DSCAM: variants seen among roughly 807,000 people sequenced by gnomAD.
DSCAM encodes cell adhesion molecule DSCAM.
Under a neutral mutation model 217.7 loss-of-function variants are expected in DSCAM, and 47 were observed. The observed-to-expected ratio is 0.22, with a 90% CI of 0.17 to 0.28. The LOEUF (loss-of-function observed/expected upper bound fraction) is 0.28. DSCAM is among the 10% of genes least tolerant of loss of function. The pLI is 1.00. For synonymous variants in DSCAM, 1,056 were observed against 1,015.3 expected (o/e 1.04, Z -0.76); for missense variants, 2,080 against 2,618.3 (o/e 0.79, Z 4.49).
At chr21:40,769,580 T>C (rs1371306739) in intron 1 of DSCAM, among the ~76,000 whole-genome samples, 1 of 152,232 alleles carries the variant, frequency 6.6e-6, no homozygotes, top group East Asian at 1.9e-4. Flanking sequence ...GTGGATCTCA[T>C]AGCATCTGCC....
intron 2 of DSCAM, among the ~76,000 whole-genome samples, chr21:40,695,299 A>G (rs1764660339): frequency 6.6e-6 from 1 of 152,020 alleles, no homozygotes; most frequent in Admixed American, 6.6e-5. Flanking sequence ...GAGCCATAAA[A>G]ATATGGGGTG....
intron 3 of DSCAM, among the ~76,000 whole-genome samples, chr21:40,388,167 G>A (rs1259024588): frequency 6.6e-6 from 1 of 152,150 alleles, no homozygotes; most frequent in Admixed American, 6.5e-5. Context: ...TAGCAGGCTT[G>A]CGCCTGGAAC....
At chr21:40,658,806 A>G (rs926332539) in intron 3 of DSCAM, among the ~76,000 whole-genome samples, 3 of 152,212 alleles carry the variant, frequency 2.0e-5, no homozygotes, top group Non-Finnish European at 4.4e-5. Context: ...GGCTCTTATT[A>G]TGTACTTGTA....
chr21:40,368,825 T>G (rs2074862126), intron 4 of DSCAM, among the ~76,000 whole-genome samples: 1 of 152,222 alleles, frequency 6.6e-6, no homozygotes, highest in Non-Finnish European at 1.5e-5. Flanking sequence ...ATATTTGGGA[T>G]GGAGATGGAT....
In DSCAM at chr21:40,144,453, G is replaced by A. The variant is rs1169686198; in HGVS notation, c.3259+38C>T. ...GGGGCAGACCCGAGGGAACCTTTGC[G>A]GAGGGAAAAGCCACGACCAGGCCCC... On this transcript the variant is annotated intron_variant, in intron 17 of 32. Transcript: ENST00000400454. This position sits in a 1 kb window ranked among gnomAD's most constrained non-coding sequence, Gnocchi z 4.8. 8.1e-6 allele frequency: 13 copies of A among 1,609,474 alleles called. No homozygotes were observed. Among genetic ancestry groups the A allele is most frequent in the Admixed American group, 1.7e-5 (1 of 59,898 alleles).
chr21:40,181,701 C>G (rs996949296), intron 14 of DSCAM, among the ~76,000 whole-genome samples: 1 of 147,104 alleles, frequency 6.8e-6, no homozygotes, highest in Non-Finnish European at 1.5e-5. Context: ...TCTCGTATGC[C>G]TAGAAGAAGA....
intron 11 of DSCAM, among the ~76,000 whole-genome samples, chr21:40,197,032 G>A (rs1390032731): frequency 2.6e-5 from 4 of 152,158 alleles, no homozygotes; most frequent in Non-Finnish European, 4.4e-5. Flanking sequence ...CTTTAAATGG[G>A]CAAAAATAAA....
chr21:40,758,410 G>A (rs1429521881), intron 1 of DSCAM, among the ~76,000 whole-genome samples: 9 of 151,732 alleles, frequency 5.9e-5, no homozygotes, highest in Non-Finnish European at 1.3e-4. Flanking sequence ...CCAGCTACTT[G>A]GGAGGCTGAG....
At chr21:40,420,589 T>G (rs2075414329) in intron 3 of DSCAM, among the ~76,000 whole-genome samples, 1 of 152,194 alleles carries the variant, frequency 6.6e-6, no homozygotes, top group Admixed American at 6.5e-5. Context: ...TATGTTCATG[T>G]CCTACCACCA....
chr21:40,031,677 A>C (rs2088527729), intron 32 of DSCAM, among the ~76,000 whole-genome samples: 1 of 152,152 alleles, frequency 6.6e-6, no homozygotes, highest in South Asian at 2.1e-4. Flanking sequence ...AGGCCTTGTG[A>C]GAAGCTAAAG....
intron 3 of DSCAM, among the ~76,000 whole-genome samples, chr21:40,407,360 C>T (rs1478103510): frequency 6.6e-6 from 1 of 152,150 alleles, no homozygotes; most frequent in Non-Finnish European, 1.5e-5. Flanking sequence ...GTCAACAACC[C>T]ATTTGTGAGA....
intron 27 of DSCAM, among the ~76,000 whole-genome samples, chr21:40,064,464 C>T (rs1048152293): frequency 3.9e-5 from 6 of 152,282 alleles, no homozygotes; most frequent in African/African-American, 7.2e-5. Context: ...TAAGGAATTG[C>T]GGAGTCCAGC....
chr21:40,708,728 T>A lies in DSCAM; in HGVS notation c.87A>T (p.Ala29=). 6.2e-7 allele frequency: 1 copy of A among 1,604,422 alleles called. No individual in the cohort carries two copies. Among genetic ancestry groups the A allele is most frequent in the Non-Finnish European group, 8.5e-7 (1 of 1,174,812 alleles). The change falls in exon 2 of 33, where the codon GCA becomes GCT. Residue 29 remains alanine, a synonymous_variant. Transcript: ENST00000400454. ...TGGCAAACACTACCTCTTGCAGAGA[T>A]GCATTGACAAAGTAGAGGCTGGAGT... The part of the protein sequence containing the change: ...DLHSSLYFVN[A]SLQEVVFAST...
At chr21:40,192,761 T>G (rs1195145901) in intron 11 of DSCAM, among the ~76,000 whole-genome samples, 2 of 152,228 alleles carry the variant, frequency 1.3e-5, no homozygotes, top group Non-Finnish European at 2.9e-5. Context: ...TTTGTTCCTT[T>G]TTATTGCTAA....
chr21:40,530,875 GCC>G (rs1291677197), intron 3 of DSCAM, among the ~76,000 whole-genome samples: 2 of 141,968 alleles, frequency 1.4e-5, no homozygotes, highest in East Asian at 4.1e-4. Context: ...TCTCAGCCCT[GCC>G]TGTCCATCCA....
intron 4 of DSCAM, among the ~76,000 whole-genome samples, chr21:40,356,314 TAC>T (rs1286503274): frequency 6.6e-6 from 1 of 151,554 alleles, no homozygotes; most frequent in African/African-American, 2.4e-5. Flanking sequence ...TGTCATCACA[TAC>T]ACACACATAC....
intron 11 of DSCAM, among the ~76,000 whole-genome samples, chr21:40,241,037 G>C (rs571714941): frequency 6.6e-6 from 1 of 152,240 alleles, no homozygotes; most frequent in East Asian, 1.9e-4. Flanking sequence ...TAAAAGCCCT[G>C]GAAGACAACC....
chr21:40,292,350 T>C (rs8133535), intron 10 of DSCAM, among the ~76,000 whole-genome samples: 50,748 of 151,920 alleles, frequency 0.33, 8,821 homozygotes, highest in South Asian at 0.39. Flanking sequence ...TTGTCATTTA[T>C]GAGGGAGCTG....
chr21:40,765,519 GA>G (rs546982485), intron 1 of DSCAM, among the ~76,000 whole-genome samples: 1 of 152,128 alleles, frequency 6.6e-6, no homozygotes, highest in East Asian at 1.9e-4. Context: ...AAGGACCAAA[GA>G]AAAAAAATTT....
Sources: allele counts gnomAD v4.1 joint callset (sites outside exome capture counted in the v4.1 genomes callset), GRCh38; gene constraint gnomAD v4.1.1; non-coding constraint Gnocchi (gnomAD v3.1); transcripts MANE v1.5; gene names NCBI Gene and HGNC (gene_info 2026-07-23, HGNC 2026-07-21).